Variants in ROR2 observed in about 807,000 individuals in gnomAD.
ROR2 encodes the protein ROR family WNT receptor 2, also known as tyrosine-protein kinase transmembrane receptor ROR2.
ROR2 carries 33 observed loss-of-function variants against 74.9 expected under a neutral mutation model. The ratio of observed to expected loss-of-function variants is 0.44; its 90% CI spans 0.33 to 0.59. The LOEUF is 0.59. ROR2 is among the 20% of genes least tolerant of loss of function. ROR2 has a pLI of 0.02. For synonymous variants in ROR2, 586 were observed against 558.7 expected (o/e 1.05, Z -0.69); for missense variants, 1,216 against 1,313.8 (o/e 0.93, Z 1.15).
At chr9:91,823,990 C>A (rs1587755101) in intron 1 of ROR2, among the ~76,000 whole-genome samples, 1 of 152,230 alleles carries the variant, frequency 6.6e-6, no homozygotes, top group African/African-American at 2.4e-5. Flanking sequence ...CCTGCTTCTA[C>A]CTCCACTAGC....
intron 1 of ROR2, among the ~76,000 whole-genome samples, chr9:91,834,846 C>T (rs934509561): frequency 2.6e-5 from 4 of 152,236 alleles, no homozygotes; most frequent in African/African-American, 4.8e-5. Flanking sequence ...TCCTGCAGAG[C>T]TCAAGATAAA....
At chr9:91,731,305 C>T (rs1449847302) in intron 6 of ROR2, 150 bp from the exon 7 acceptor site, 2 of 1,130,846 alleles carry the variant, frequency 1.8e-6, no homozygotes, top group Admixed American at 1.9e-5. Flanking sequence ...AATGAAGTCC[C>T]AAGCCCACAA....
At chr9:91,827,273 C>G (rs993903384) in intron 1 of ROR2, among the ~76,000 whole-genome samples, 26 of 152,054 alleles carry the variant, frequency 1.7e-4, no homozygotes, top group African/African-American at 5.3e-4. Flanking sequence ...TTTCCCATAT[C>G]ATTATAGATG....
intron 1 of ROR2, among the ~76,000 whole-genome samples, chr9:91,942,833 G>C (rs1831911492): frequency 6.6e-6 from 1 of 152,230 alleles, no homozygotes; most frequent in East Asian, 1.9e-4. Flanking sequence ...AGGCAAAAAA[G>C]TTTTCTCCCC....
intron 1 of ROR2, among the ~76,000 whole-genome samples, chr9:91,874,560 G>C (rs1829902267): frequency 6.6e-6 from 1 of 152,176 alleles, no homozygotes; most frequent in East Asian, 1.9e-4. Flanking sequence ...GTAAACATCT[G>C]ACCTCAGCCT....
intron 1 of ROR2, among the ~76,000 whole-genome samples, chr9:91,867,809 T>C (rs534129841): frequency 2.0e-5 from 3 of 152,060 alleles, no homozygotes; most frequent in South Asian, 2.1e-4. Flanking sequence ...AAGAGCACTA[T>C]AGAGGCTTTG....
intron 1 of ROR2, among the ~76,000 whole-genome samples, chr9:91,836,013 T>C (rs1421437321): frequency 6.6e-6 from 1 of 152,224 alleles, no homozygotes; most frequent in East Asian, 1.9e-4. Context: ...CCAAGGCACA[T>C]GCAAGCAATG....
At chr9:91,755,759 G>C (rs1825729324) in intron 4 of ROR2, among the ~76,000 whole-genome samples, 1 of 152,234 alleles carries the variant, frequency 6.6e-6, no homozygotes, top group Admixed American at 6.5e-5. Context: ...GTCCTAATGA[G>C]CCGGTATCCT....
At chr9:91,755,958 A>T (rs1213158904) in intron 4 of ROR2, 113 bp downstream of exon 4, 4 of 1,159,878 alleles carry the variant, frequency 3.4e-6, no homozygotes, top group Non-Finnish European at 5.2e-6. Context: ...AAGCCCAGCC[A>T]ACTTCTAGCA....
Position 91,722,777 on chromosome 9 carries a change from G to A in ROR2, c.*885C>T, listed in dbSNP as rs1046974585. On this transcript the variant is annotated 3_prime_UTR_variant, in exon 9 of 9. Transcript: ENST00000375708. ...AAACCAAGACCAACTGGATCCCAAC[G>A]TGGGTAACATAAACAGTTAAATTAC... The A allele has an allele frequency of 1.2e-5, 7 of 603,182 alleles. No homozygotes were observed. Among genetic ancestry groups the A allele is most frequent in the African/African-American group, 1.1e-4 (6 of 54,260 alleles). The allele number at this position is 603,182 out of a possible 1,614,324, so 37.4% of individuals were successfully genotyped here.
chr9:91,881,185 G>A (rs1830101394), intron 1 of ROR2, among the ~76,000 whole-genome samples: 1 of 152,128 alleles, frequency 6.6e-6, no homozygotes, highest in African/African-American at 2.4e-5. Flanking sequence ...TATTGAAAAC[G>A]AGTGGAGTGT....
intron 4 of ROR2, among the ~76,000 whole-genome samples, chr9:91,751,337 A>G (rs1825591150): frequency 6.6e-6 from 1 of 152,248 alleles, no homozygotes; most frequent in Non-Finnish European, 1.5e-5. Flanking sequence ...CCTCCCAAAA[A>G]AAGTCTAGTT....
intron 1 of ROR2, among the ~76,000 whole-genome samples, chr9:91,778,183 CAGGG>C (rs561083195): frequency 1.6e-3 from 251 of 152,344 alleles, no homozygotes; most frequent in African/African-American, 5.7e-3. Flanking sequence ...CTCGCAGGAT[CAGGG>C]AACACTTTCA....
At chr9:91,745,111 A>T (rs1378631456) in intron 4 of ROR2, among the ~76,000 whole-genome samples, 1 of 151,406 alleles carries the variant, frequency 6.6e-6, no homozygotes, top group African/African-American at 2.4e-5. Flanking sequence ...CTCATTTATT[A>T]TTTATTAATT....
chr9:91,757,175 T>A, intron 3 of ROR2, 97 bp downstream of exon 3: 1 of 1,492,136 alleles, frequency 6.7e-7, no homozygotes. Context: ...TCGTGCTGAC[T>A]GGTGTGTGTT....
intron 1 of ROR2, among the ~76,000 whole-genome samples, chr9:91,781,464 G>T (rs1418437413): frequency 6.6e-6 from 1 of 152,204 alleles, no homozygotes; most frequent in Non-Finnish European, 1.5e-5. Flanking sequence ...TAAAAATTGG[G>T]AAGGAGCAGC....
At chr9:91,852,113 G>A (rs1361889278) in intron 1 of ROR2, among the ~76,000 whole-genome samples, 2 of 151,928 alleles carry the variant, frequency 1.3e-5, no homozygotes, top group African/African-American at 4.8e-5. Flanking sequence ...TGCTGCTACT[G>A]GTTTTTTTTC....
intron 1 of ROR2, among the ~76,000 whole-genome samples, chr9:91,918,569 A>G (rs1308448853): frequency 6.6e-6 from 1 of 152,206 alleles, no homozygotes; most frequent in African/African-American, 2.4e-5. Flanking sequence ...AAAGAGAGGC[A>G]GTCTCCTATG....
At chr9:91,806,765 A>G (rs1378400773) in intron 1 of ROR2, among the ~76,000 whole-genome samples, 1 of 151,900 alleles carries the variant, frequency 6.6e-6, no homozygotes, top group Non-Finnish European at 1.5e-5. Context: ...AATTTTTTGT[A>G]TTTTTAGTAG....
Sources: gnomAD v4.1 joint callset for allele counts (sites outside exome capture counted in the v4.1 genomes callset) on GRCh38, gnomAD v4.1.1 for gene constraint, MANE v1.5 for transcripts, NCBI Gene and HGNC (gene_info 2026-07-23, HGNC 2026-07-21) for gene names.